Variants in CMIP observed in about 807,000 individuals in gnomAD.
CMIP encodes c-Maf inducing protein.
A neutral mutation model predicts 97.3 loss-of-function variants in CMIP; 13 were observed. That is an observed-to-expected ratio of 0.13 (90% CI 0.09 to 0.21). The LOEUF is 0.21. Among genes scored for constraint, CMIP ranks in the 10% least tolerant of loss-of-function variants. The probability of loss-of-function intolerance (pLI) is 1.00; values close to 1 mark genes in which losing one functional copy is unlikely to be tolerated. For missense variants in CMIP, 847 were observed against 1,024.9 expected (o/e 0.83, Z 2.37); for synonymous variants, 538 against 436.3 (o/e 1.23, Z -2.91).
At chr16:81,636,472 T>A (rs1210092890) in intron 3 of CMIP, among the ~76,000 whole-genome samples, 1 of 150,556 alleles carries the variant, frequency 6.6e-6, no homozygotes, top group Non-Finnish European at 1.5e-5. Flanking sequence ...TCCCAGCTAC[T>A]AGGGAGGCTG....
At chr16:81,490,517 G>C (rs566983212) in intron 1 of CMIP, among the ~76,000 whole-genome samples, 2 of 152,184 alleles carry the variant, frequency 1.3e-5, no homozygotes, top group Admixed American at 1.3e-4. Context: ...CTACTCGGGC[G>C]GCTGAGGCAG....
At chr16:81,673,610 G>C (rs149616282) in intron 9 of CMIP, among the ~76,000 whole-genome samples, 12 of 152,368 alleles carry the variant, frequency 7.9e-5, no homozygotes, top group Non-Finnish European at 1.6e-4. Context: ...GAGGCCGTGC[G>C]TAACACACTG....
At chr16:81,671,218 A>G (rs1458371833) in intron 8 of CMIP, among the ~76,000 whole-genome samples, 1 of 152,180 alleles carries the variant, frequency 6.6e-6, no homozygotes, top group Non-Finnish European at 1.5e-5. Context: ...GGAACTCACG[A>G]AGTCGTTTGA....
chr16:81,664,212 G>T (rs923682374), intron 6 of CMIP, 57 bp from the exon 7 acceptor site: 1 of 1,509,876 alleles, frequency 6.6e-7, no homozygotes, highest in South Asian at 1.2e-5. Context: ...TAGCAGCCAC[G>T]GGCTGTGTTC....
intron 2 of CMIP, among the ~76,000 whole-genome samples, chr16:81,608,387 G>T (rs1471974705): frequency 2.0e-5 from 3 of 152,120 alleles, no homozygotes; most frequent in Non-Finnish European, 4.4e-5. Context: ...GCTTCTGTGT[G>T]CTGGCTTCAT....
At chr16:81,490,417 C>T (rs1474570634) in intron 1 of CMIP, among the ~76,000 whole-genome samples, 7 of 152,038 alleles carry the variant, frequency 4.6e-5, no homozygotes, top group Admixed American at 2.0e-4. Flanking sequence ...CTCAGGAGTT[C>T]GAGACCAGCC....
chr16:81,456,115 G>A (rs1237375694), intron 1 of CMIP, among the ~76,000 whole-genome samples: 1 of 152,200 alleles, frequency 6.6e-6, no homozygotes, highest in East Asian at 1.9e-4. Flanking sequence ...CTTGCTTCAG[G>A]GTAGGAAAAT....
intron 2 of CMIP, among the ~76,000 whole-genome samples, chr16:81,612,553 T>A (rs1385910157): frequency 6.6e-6 from 1 of 152,150 alleles, no homozygotes; most frequent in Admixed American, 6.5e-5. Flanking sequence ...CCTAAGAAAC[T>A]GGGCCGGGGA....
At chr16:81,657,503 C>A (rs918020373) in intron 4 of CMIP, among the ~76,000 whole-genome samples, 1 of 152,138 alleles carries the variant, frequency 6.6e-6, no homozygotes, top group Non-Finnish European at 1.5e-5. Flanking sequence ...AACTGAGTCT[C>A]CCCTAGACTC....
Position 81,445,231 on chromosome 16 carries a change from C to G in CMIP, c.-11C>G. 1 of 1,510,306 alleles carries G rather than the reference C, an allele frequency of 6.6e-7. No homozygotes were observed. The highest frequency in any genetic ancestry group is 1.2e-5 in the South Asian group (1 of 80,176). The allele number at this position is 1,510,306 out of a possible 1,614,324, so 93.6% of individuals were successfully genotyped here. A position where few individuals can be genotyped will look rare whatever the true frequency, so the allele number is the denominator to read the frequency against. On this transcript the variant is annotated 5_prime_UTR_variant, in exon 1 of 21. Coordinates refer to ENST00000537098, the MANE Select transcript of CMIP (RefSeq NM_198390.3). ...CTCTCCCCGCCCCCAGCCCCCTCCC[C>G]CGGCGCGGCCATGGATGTGACCAGC... is the stretch of plus-strand genomic sequence containing the variant.
intron 1 of CMIP, among the ~76,000 whole-genome samples, chr16:81,504,705 A>G (rs1169550743): frequency 6.8e-6 from 1 of 147,536 alleles, no homozygotes; most frequent in African/African-American, 2.5e-5. Context: ...CCTGCAGCCC[A>G]CCTGTGCTGT....
chr16:81,649,635 A>G (rs2092404449), intron 3 of CMIP, among the ~76,000 whole-genome samples: 1 of 152,246 alleles, frequency 6.6e-6, no homozygotes. Flanking sequence ...AGTACAGTTT[A>G]GATTTTTTGC....
chr16:81,675,970 A>G (rs1055517473), intron 9 of CMIP, among the ~76,000 whole-genome samples: 10 of 152,182 alleles, frequency 6.6e-5, no homozygotes, highest in African/African-American at 2.4e-4. Flanking sequence ...CAGAACTTTT[A>G]TCCTGGGAAC....
chr16:81,559,583 C>T (rs1042827218), intron 1 of CMIP, among the ~76,000 whole-genome samples: 6 of 152,208 alleles, frequency 3.9e-5, no homozygotes, highest in African/African-American at 1.4e-4. Context: ...GTCACCTACT[C>T]ATGCCATAGC....
At chr16:81,686,871 T>C (rs1319770772) in intron 10 of CMIP, among the ~76,000 whole-genome samples, 1 of 152,174 alleles carries the variant, frequency 6.6e-6, no homozygotes, top group Non-Finnish European at 1.5e-5. Flanking sequence ...GTGAGTCGTA[T>C]GTGGGTAGGG....
chr16:81,463,957 A>T (rs1410920284), intron 1 of CMIP: 2 of 152,120 alleles, frequency 1.3e-5, no homozygotes, highest in Non-Finnish European at 2.9e-5. Flanking sequence ...GTTCTCCTTC[A>T]TTTCTCCTGC....
chr16:81,628,026 G>A (rs1457257443), intron 3 of CMIP, among the ~76,000 whole-genome samples: 1 of 152,148 alleles, frequency 6.6e-6, no homozygotes, highest in African/African-American at 2.4e-5. Flanking sequence ...CAGGGGAAAG[G>A]CCCAGGGGAC....
At chr16:81,647,577 A>G (rs1390772706) in intron 3 of CMIP, among the ~76,000 whole-genome samples, 2 of 152,112 alleles carry the variant, frequency 1.3e-5, no homozygotes, top group Non-Finnish European at 2.9e-5. Context: ...TGTGGGGTCC[A>G]TGCTAGACAA....
rs1481309383 is a variant in CMIP, at chr16:81,560,223, G to T, written c.301-47344G>T. ...TTTTGTTTTGTTTTTGTTTTGTTTTGTTTTTTTTTTTTTGAGACAGAGTCT... is the reference window on the plus strand; with the variant it reads ...TTTTGTTTTGTTTTTGTTTTGTTTTTTTTTTTTTTTTTTGAGACAGAGTCT... On this transcript the variant is annotated intron_variant, in intron 1 of 20. Coordinates refer to ENST00000537098, the MANE Select transcript of CMIP (RefSeq NM_198390.3). Among the ~76,000 whole-genome samples, 20 of 108,480 alleles carry T rather than the reference G, an allele frequency of 1.8e-4. 1 individual carries two copies. Among genetic ancestry groups the T allele is most frequent in the Admixed American group, 6.3e-4 (7 of 11,088 alleles). The allele number at this position is 108,480 out of a possible 152,430, so 71.2% of individuals were successfully genotyped here. A position where few individuals can be genotyped will look rare whatever the true frequency, so the allele number is the denominator to read the frequency against.
Sources: gnomAD v4.1 joint callset for allele counts (sites outside exome capture counted in the v4.1 genomes callset) on GRCh38, gnomAD v4.1.1 for gene constraint, MANE v1.5 for transcripts, NCBI Gene and HGNC (gene_info 2026-07-23, HGNC 2026-07-21) for gene names.